Variants in HIVEP3 observed in about 807,000 individuals in gnomAD.
HIVEP3 encodes the protein transcription factor HIVEP3.
In HIVEP3, 49 loss-of-function variants were observed where a neutral mutation model predicts 152.8. The ratio of observed to expected loss-of-function variants is 0.32; its 90% CI spans 0.26 to 0.41. The LOEUF is 0.41. Among genes scored for constraint, HIVEP3 ranks in the 10% least tolerant of loss-of-function variants. The pLI is 1.00. For synonymous variants in HIVEP3, 1,269 were observed against 1,289.0 expected, an observed-to-expected ratio of 0.98 and a Z score of 0.33; for missense variants, 2,790 against 3,103.3, an observed-to-expected ratio of 0.90 and a Z score of 2.40.
intron 1 of HIVEP3, among the ~76,000 whole-genome samples, chr1:41,964,649 G>C (rs1645188075): frequency 1.3e-5 from 2 of 152,230 alleles, no homozygotes; most frequent in South Asian, 4.1e-4. Context: ...CACAGCAGCT[G>C]TGGCAGATCA....
chr1:41,554,947 G>T (rs1006165545), intron 5 of HIVEP3, among the ~76,000 whole-genome samples: 1 of 152,208 alleles, frequency 6.6e-6, no homozygotes, highest in Non-Finnish European at 1.5e-5. Flanking sequence ...CTACACGGGG[G>T]TCAAGAACCC....
intron 1 of HIVEP3, among the ~76,000 whole-genome samples, chr1:41,900,070 T>A (rs1644595793): frequency 6.6e-6 from 1 of 152,102 alleles, no homozygotes. Flanking sequence ...AAAAATAAAA[T>A]ACATATATAT....
intron 3 of HIVEP3, among the ~76,000 whole-genome samples, chr1:41,623,902 C>CA (rs1645080110): frequency 1.7e-5 from 1 of 59,432 alleles, no homozygotes; most frequent in Admixed American, 1.5e-4. Context: ...GCATGCCGAT[C>CA]AGAGTGACGT....
chr1:41,934,328 G>C (rs1486895526), intron 1 of HIVEP3, among the ~76,000 whole-genome samples: 1 of 152,072 alleles, frequency 6.6e-6, no homozygotes, highest in Non-Finnish European at 1.5e-5. Flanking sequence ...AATTCATATA[G>C]GTATGTTTCT....
chr1:41,786,664 G>T (rs1392591687), intron 1 of HIVEP3, among the ~76,000 whole-genome samples: 1 of 152,068 alleles, frequency 6.6e-6, no homozygotes, highest in Non-Finnish European at 1.5e-5. Context: ...ACTACTACCT[G>T]GTCTCTTACC....
chr1:41,794,400 C>A (rs1297533135), intron 1 of HIVEP3, among the ~76,000 whole-genome samples: 1 of 152,170 alleles, frequency 6.6e-6, no homozygotes, highest in Non-Finnish European at 1.5e-5. Flanking sequence ...AGAGCCAAAC[C>A]ATAGTAGATC....
At chr1:41,598,806 G>GTTATTTATTTAT (rs10655770) in intron 3 of HIVEP3, among the ~76,000 whole-genome samples, 9,057 of 147,022 alleles carry the variant, frequency 0.062, 784 homozygotes, top group East Asian at 0.4. Context: ...GTCACATGAT[G>GTTATTTATTTAT]TTATTTATTT....
chr1:41,626,544 C>G (rs1441398813), intron 3 of HIVEP3, among the ~76,000 whole-genome samples: 1 of 152,186 alleles, frequency 6.6e-6, no homozygotes, highest in Non-Finnish European at 1.5e-5. Context: ...GACCCCCCAT[C>G]TGTACTCCCT....
Position 41,662,598 on chromosome 1 carries a change from A to G in HIVEP3, c.-720-33651T>C, listed in dbSNP as rs547612505. Among the ~76,000 whole-genome samples the G allele has an allele frequency of 6.7e-6, 1 of 150,294 alleles. No homozygotes were observed. The highest frequency in any genetic ancestry group is 2.4e-5 in the African/African-American group (1 of 40,908). On this transcript the variant is annotated intron_variant, in intron 2 of 8. Transcript: ENST00000372583. This position sits in a 1 kb window ranked among gnomAD's most constrained non-coding sequence, Gnocchi z 7.2. Reference sequence around the variant, plus strand: ...GGCCCGGGCGCGGCTGGCGGCTGCCAGGGGAGGGTCTCCTCGCCCGGGGAA... The same window carrying G: ...GGCCCGGGCGCGGCTGGCGGCTGCCGGGGGAGGGTCTCCTCGCCCGGGGAA...
At chr1:41,588,826 G>A (rs1558094975) in intron 3 of HIVEP3, among the ~76,000 whole-genome samples, 1 of 152,122 alleles carries the variant, frequency 6.6e-6, no homozygotes, top group African/African-American at 2.4e-5. Flanking sequence ...CCACACTGGG[G>A]CTTGGACTTC....
chr1:41,525,130 T>G (rs2149052799), intron 5 of HIVEP3, among the ~76,000 whole-genome samples: 1 of 152,226 alleles, frequency 6.6e-6, no homozygotes, highest in African/African-American at 2.4e-5. Flanking sequence ...GGGGTTGCAC[T>G]ATTCTTCCTC....
chr1:41,930,882 T>C (rs1644992981), intron 1 of HIVEP3, among the ~76,000 whole-genome samples: 1 of 152,186 alleles, frequency 6.6e-6, no homozygotes. Context: ...AAAATAATGT[T>C]AAGTGTCTCT....
At chr1:41,832,950 C>T (rs775033779) in intron 1 of HIVEP3, among the ~76,000 whole-genome samples, 3 of 152,234 alleles carry the variant, frequency 2.0e-5, no homozygotes, top group Non-Finnish European at 2.9e-5. Context: ...GATTTTGCTT[C>T]TGCACCTGTC....
chr1:41,859,892 C>G (rs1643866256), intron 1 of HIVEP3, among the ~76,000 whole-genome samples: 1 of 152,202 alleles, frequency 6.6e-6, no homozygotes, highest in Admixed American at 6.5e-5. Context: ...AGTAGGTGGC[C>G]TCAAAGTGAA....
At chr1:41,575,325 C>T (rs1490723758) in intron 5 of HIVEP3, among the ~76,000 whole-genome samples, 7 of 152,124 alleles carry the variant, frequency 4.6e-5, no homozygotes, top group Non-Finnish European at 7.4e-5. Context: ...TCAACAAATA[C>T]CCAGCATCAC....
intron 1 of HIVEP3, among the ~76,000 whole-genome samples, chr1:41,977,060 G>A (rs12089561): frequency 0.015 from 2,305 of 152,246 alleles, 56 homozygotes; most frequent in African/African-American, 0.054. Context: ...TGTTAAAACC[G>A]TAACAGTGGT....
At chr1:41,543,502 A>C (rs1470417443) in intron 5 of HIVEP3, 2 of 152,246 alleles carry the variant, frequency 1.3e-5, no homozygotes, top group African/African-American at 4.8e-5. Flanking sequence ...GTCTCTTCCC[A>C]GTCACATGTG....
chr1:41,642,475 A>G (rs1418318003), intron 2 of HIVEP3, among the ~76,000 whole-genome samples: 1 of 152,102 alleles, frequency 6.6e-6, no homozygotes, highest in African/African-American at 2.4e-5. Context: ...CTCCTCCACA[A>G]AGCCCTCCAT....
chr1:42,022,075 T>C (rs1291627709), intron 1 of HIVEP3, among the ~76,000 whole-genome samples: 1 of 152,232 alleles, frequency 6.6e-6, no homozygotes, highest in Non-Finnish European at 1.5e-5. Flanking sequence ...GAGCGAATGC[T>C]GCTGGGTAGC....
Sources: gnomAD v4.1 joint callset for allele counts (sites outside exome capture counted in the v4.1 genomes callset) on GRCh38, gnomAD v4.1.1 for gene constraint, Gnocchi (gnomAD v3.1) non-coding constraint, MANE v1.5 for transcripts, NCBI Gene and HGNC (gene_info 2026-07-23, HGNC 2026-07-21) for gene names.